Variants in LRRC2 observed in about 807,000 individuals in gnomAD.
LRRC2 encodes the protein leucine rich repeat containing 2.
Under a neutral mutation model 40.2 loss-of-function variants are expected in LRRC2, and 27 were observed. The ratio of observed to expected loss-of-function variants is 0.67; its 90% CI spans 0.49 to 0.93. The LOEUF is 0.93. LRRC2 is among the 40% of genes least tolerant of loss of function. The pLI is 0.00. For synonymous variants in LRRC2, 147 were observed against 158.9 expected, an observed-to-expected ratio of 0.92 and a Z score of 0.56; for missense variants, 402 against 439.6, an observed-to-expected ratio of 0.91 and a Z score of 0.76.
In LRRC2 at chr3:46,517,383, G is replaced by C. The variant is rs1703883867; in HGVS notation, c.*1631C>G. The C allele has an allele frequency of 6.6e-6, 1 of 151,506 alleles. No individual in the cohort carries two copies. Among genetic ancestry groups the C allele is most frequent in the African/African-American group, 2.4e-5 (1 of 41,226 alleles). 9.4% of individuals were successfully genotyped at this position (151,506 alleles called of 1,614,324 possible). ...TCTGTCACCCAGGCTGGAGGGCAGT[G>C]TCACAATCACAGCACACTGCAGCCT... On this transcript the variant is annotated 3_prime_UTR_variant, in exon 9 of 9. Coordinates refer to ENST00000395905, the MANE Select transcript of LRRC2 (RefSeq NM_024512.5).
intron 3 of LRRC2, among the ~76,000 whole-genome samples, chr3:46,539,603 G>A (rs1221325171): frequency 6.6e-6 from 1 of 152,138 alleles, no homozygotes; most frequent in Non-Finnish European, 1.5e-5. Flanking sequence ...AGAAATACTT[G>A]ATAAACCTCT....
chr3:46,547,993 CAAAATTTTT>C (rs922251346), intron 2 of LRRC2, among the ~76,000 whole-genome samples: 32 of 152,314 alleles, frequency 2.1e-4, no homozygotes, highest in African/African-American at 7.5e-4. Flanking sequence ...GCAATACCTC[CAAAATTTTT>C]AAAACCAACA....
intron 7 of LRRC2, among the ~76,000 whole-genome samples, chr3:46,521,863 T>C (rs2106975326): frequency 6.6e-6 from 1 of 152,190 alleles, no homozygotes; most frequent in East Asian, 1.9e-4. Context: ...GTATAGACTT[T>C]TCAGAGGCCT....
intron 2 of LRRC2, among the ~76,000 whole-genome samples, chr3:46,545,974 T>C (rs1704517064): frequency 6.6e-6 from 1 of 152,258 alleles, no homozygotes; most frequent in African/African-American, 2.4e-5. Context: ...CAAAACAAGA[T>C]GTTTTGTGGT....
intron 7 of LRRC2, among the ~76,000 whole-genome samples, chr3:46,524,082 T>C (rs1264047618): frequency 6.6e-6 from 1 of 152,282 alleles, no homozygotes; most frequent in Non-Finnish European, 1.5e-5. Flanking sequence ...GCCTGCAGTT[T>C]GATTCTAAAA....
At chr3:46,551,676 T>G in intron 1 of LRRC2, 66 bp from the exon 2 acceptor site, 1 of 1,233,936 alleles carries the variant, frequency 8.1e-7, no homozygotes, top group Non-Finnish European at 1.1e-6. Flanking sequence ...AACATAAACT[T>G]TAAAATGAAA....
intron 7 of LRRC2, among the ~76,000 whole-genome samples, chr3:46,523,337 G>T (rs142464737): frequency 6.6e-4 from 100 of 152,198 alleles, no homozygotes; most frequent in African/African-American, 2.3e-3. Context: ...TTACTCTTCA[G>T]ATCCCAGAAG....
chr3:46,534,400 CTTTT>C (rs1407279977), intron 4 of LRRC2, among the ~76,000 whole-genome samples: 2 of 151,296 alleles, frequency 1.3e-5, no homozygotes, highest in Non-Finnish European at 2.9e-5. Context: ...TGTTTTCTTT[CTTTT>C]CTTTTCTTTT....
chr3:46,543,775 C>T (rs1704458161), intron 3 of LRRC2, among the ~76,000 whole-genome samples: 1 of 152,118 alleles, frequency 6.6e-6, no homozygotes, highest in South Asian at 2.1e-4. Flanking sequence ...ATCGTGTTTA[C>T]TGGCCAATGG....
intron 1 of LRRC2, among the ~76,000 whole-genome samples, chr3:46,561,941 G>C (rs1704954216): frequency 6.6e-6 from 1 of 152,188 alleles, no homozygotes; most frequent in Admixed American, 6.5e-5. Flanking sequence ...GCAGGTTATA[G>C]TTTACTGATC....
At chr3:46,557,740 G>A (rs1704840724) in intron 1 of LRRC2, 1 of 152,232 alleles carries the variant, frequency 6.6e-6, no homozygotes, top group Non-Finnish European at 1.5e-5. Flanking sequence ...TAGCAGGTAA[G>A]TCCTCTGGTT....
At chr3:46,521,825 CCAACAGTA>C (rs1703969109) in intron 7 of LRRC2, among the ~76,000 whole-genome samples, 167 bp from the exon 8 acceptor site, 1 of 152,150 alleles carries the variant, frequency 6.6e-6, no homozygotes, top group South Asian at 2.1e-4. Context: ...GTGGAATAAT[CCAACAGTA>C]ATATAGAGCC....
chr3:46,546,053 C>T (rs1005645020), intron 2 of LRRC2, among the ~76,000 whole-genome samples: 1 of 152,176 alleles, frequency 6.6e-6, no homozygotes, highest in Admixed American at 6.5e-5. Context: ...TTGATAGGGG[C>T]TTAGATGCAT....
intron 4 of LRRC2, among the ~76,000 whole-genome samples, chr3:46,533,204 T>C (rs181413212): frequency 1.1e-3 from 163 of 152,270 alleles, no homozygotes; most frequent in African/African-American, 3.8e-3. Flanking sequence ...AATAACTGAT[T>C]TGTCTATTCT....
chr3:46,551,888 C>A (rs1342025225), intron 1 of LRRC2, among the ~76,000 whole-genome samples: 1 of 151,572 alleles, frequency 6.6e-6, no homozygotes, highest in East Asian at 1.9e-4. Flanking sequence ...GCAGCCTCAA[C>A]CTCCTGGGCT....
At chr3:46,561,575 G>C (rs1435639111) in intron 1 of LRRC2, among the ~76,000 whole-genome samples, 1 of 151,966 alleles carries the variant, frequency 6.6e-6, no homozygotes, top group Admixed American at 6.6e-5. Context: ...CAGGGGAAGG[G>C]GCCGGGGAGT....
rs1703881875 is a variant in LRRC2 at position 46,517,305 on chromosome 3, A to T, written c.*1709T>A. 6.7e-6 allele frequency: 1 copy of T among 149,070 alleles called. No homozygotes were observed. 9.2% of individuals were successfully genotyped at this position (149,070 alleles called of 1,614,324 possible). On this transcript the variant is annotated 3_prime_UTR_variant, in exon 9 of 9. Coordinates refer to ENST00000395905, the MANE Select transcript of LRRC2 (RefSeq NM_024512.5). The stretch of plus-strand genomic sequence containing the variant: ...TTTTGTTTTTTTTTTTTTAGTTATA[A>T]CAATAATAATATTGTTATTGCTGTT...
chr3:46,536,110 T>C (rs377699905), intron 4 of LRRC2, among the ~76,000 whole-genome samples: 2 of 152,218 alleles, frequency 1.3e-5, no homozygotes, highest in South Asian at 2.1e-4. Flanking sequence ...GTAAGTATAT[T>C]TAACATGCAT....
rs1245366141 is a variant in LRRC2, at chr3:46,545,201, G to GGGGTTGTATACT, written c.177_178insAGTATACAACCC (p.Pro59_Gln60insSerIleGlnPro). ...AAGCCATTCTTGCAGTATACAGCCTGGGGGATGCCCTTCCTCCTGCATTCG... is the reference window on the plus strand; with the variant it reads ...AAGCCATTCTTGCAGTATACAGCCTGGGGTTGTATACTGGGGATGCCCTTCCTCCTGCATTCG... On this transcript the variant is annotated inframe_insertion, in exon 3 of 9. Transcript: ENST00000395905. The GGGGTTGTATACT allele has an allele frequency of 6.2e-7, 1 of 1,614,042 alleles. No individual in the cohort carries two copies. Among genetic ancestry groups the GGGGTTGTATACT allele is most frequent in the Non-Finnish European group, 8.5e-7 (1 of 1,180,040 alleles).
Sources: gnomAD v4.1 joint callset for allele counts (sites outside exome capture counted in the v4.1 genomes callset) on GRCh38, gnomAD v4.1.1 for gene constraint, MANE v1.5 for transcripts, NCBI Gene and HGNC (gene_info 2026-07-23, HGNC 2026-07-21) for gene names.